COPE: variants seen among roughly 807,000 people sequenced by gnomAD.
COPE encodes coatomer subunit epsilon.
In COPE, 19 loss-of-function variants were observed where a neutral mutation model predicts 42.1. That is an observed-to-expected ratio of 0.45 (90% CI 0.31 to 0.66). COPE has a LOEUF of 0.66. COPE is among the 30% of genes least tolerant of loss of function. The pLI is 0.05. For missense variants in COPE, 402 were observed against 416.1 expected (o/e 0.97, Z 0.30); for synonymous variants, 195 against 181.3 (o/e 1.08, Z -0.60).
chr19:18,908,184 C>T (rs547314380), intron 3 of COPE, among the ~76,000 whole-genome samples: 11 of 152,280 alleles, frequency 7.2e-5, no homozygotes, highest in South Asian at 4.1e-4. Context: ...GTAACCCCAG[C>T]GCTTTGGGAG....
intron 1 of COPE, 88 bp downstream of exon 1, chr19:18,919,135 G>A (rs1457219229): frequency 2.1e-6 from 3 of 1,453,820 alleles, no homozygotes; most frequent in Non-Finnish European, 2.8e-6. Context: ...AAAAGAGAAA[G>A]TTTTTAGACG....
intron 6 of COPE, among the ~76,000 whole-genome samples, chr19:18,904,352 G>C (rs774059005): frequency 6.6e-6 from 1 of 152,256 alleles, no homozygotes; most frequent in East Asian, 1.9e-4. Flanking sequence ...GTTGCCGGGC[G>C]GAGGTGCCCA....
intron 1 of COPE, among the ~76,000 whole-genome samples, chr19:18,918,983 T>C (rs138595053): frequency 0.01 from 1,541 of 152,320 alleles, 19 homozygotes; most frequent in Non-Finnish European, 0.015. Context: ...ACACCTCCCT[T>C]ACTCAAAACA....
chr19:18,908,553 T>A (rs2056781784), intron 3 of COPE, among the ~76,000 whole-genome samples: 1 of 147,960 alleles, frequency 6.8e-6, no homozygotes, highest in African/African-American at 2.5e-5. Flanking sequence ...GTCTCGCACT[T>A]TCGCCCAGGC....
intron 1 of COPE, among the ~76,000 whole-genome samples, chr19:18,914,468 G>A (rs111684818): frequency 2.6e-4 from 40 of 152,068 alleles, no homozygotes; most frequent in African/African-American, 9.4e-4. Flanking sequence ...TTGAACCCGG[G>A]AGATAGAGGC....
Position 18,917,970 on chromosome 19 carries a change from C to A in COPE, c.126+1253G>T, listed in dbSNP as rs188925052. ...CTTTGGTAGGCCAAGGCGGGCAGAT[C>A]ACAAGGTCAAGAGATGGAGACCATC... On this transcript the variant is annotated intron_variant, in intron 1 of 9. Coordinates refer to ENST00000262812, the MANE Select transcript of COPE (RefSeq NM_007263.4). Among the ~76,000 whole-genome samples, 50 of 151,944 alleles carry A rather than the reference C, an allele frequency of 3.3e-4. 1 individual carries two copies. In the South Asian group the frequency reaches 4.4e-3, roughly 13 times the overall value.
chr19:18,910,190 C>A (rs1198173550), intron 3 of COPE, among the ~76,000 whole-genome samples: 1 of 152,204 alleles, frequency 6.6e-6, no homozygotes, highest in South Asian at 2.1e-4. Context: ...GCCCCCTCTC[C>A]CCTTGGCTGC....
intron 3 of COPE, 107 bp from the exon 4 acceptor site, chr19:18,907,219 C>T (rs2056769084): frequency 1.6e-6 from 2 of 1,258,026 alleles, no homozygotes; most frequent in Non-Finnish European, 2.2e-6. Flanking sequence ...GAGCCAGGCC[C>T]TGGGGGTGCA....
chr19:18,912,547 A>C (rs2056819986), intron 2 of COPE, among the ~76,000 whole-genome samples: 3 of 151,014 alleles, frequency 2.0e-5, no homozygotes, highest in Non-Finnish European at 4.4e-5. Context: ...TCATGAAGTC[A>C]GGAGTTCAAG....
intron 1 of COPE, 90 bp downstream of exon 1, chr19:18,919,131 GAA>G: frequency 7.0e-7 from 1 of 1,421,544 alleles, no homozygotes; most frequent in Admixed American, 2.1e-5. Flanking sequence ...GAAGAAAAGA[GAA>G]AGTTTTTAGA....
At chr19:18,918,187 C>CAAAAAAAAAA (rs771893763) in intron 1 of COPE, among the ~76,000 whole-genome samples, 2 of 50,124 alleles carry the variant, frequency 4.0e-5, no homozygotes, top group Non-Finnish European at 7.0e-5. Flanking sequence ...GTCTCCATCT[C>CAAAAAAAAAA]AAAAAAAAAA....
At chr19:18,912,711 C>T (rs1375523230) in intron 2 of COPE, among the ~76,000 whole-genome samples, 2 of 144,658 alleles carry the variant, frequency 1.4e-5, no homozygotes, top group East Asian at 2.0e-4. Flanking sequence ...GAGCTGAGAT[C>T]GAGTACGACA....
chr19:18,905,379 C>A (rs2056748718), intron 5 of COPE, among the ~76,000 whole-genome samples, 197 bp downstream of exon 5: 2 of 152,158 alleles, frequency 1.3e-5, no homozygotes, highest in African/African-American at 4.8e-5. Flanking sequence ...TAGAGAGAAA[C>A]TGAGGCACAG....
In COPE at chr19:18,903,961, C is replaced by T. The variant is rs569198485; in HGVS notation, c.580-538G>A. ...GCTTCAGCCCCGTGGCGGGCAGGGA[C>T]GGGGAGCACATTTTTTTTTCTTTCT... On this transcript the variant is annotated intron_variant, in intron 6 of 9. Coordinates refer to ENST00000262812, the MANE Select transcript of COPE (RefSeq NM_007263.4). Among the ~76,000 whole-genome samples the T allele has an allele frequency of 5.9e-5, 9 of 152,294 alleles. No individual in the cohort carries two copies. In the South Asian group the frequency reaches 1.0e-3, roughly 18 times the overall value.
chr19:18,905,825 G>A (rs1024969918), intron 4 of COPE, 196 bp from the exon 5 acceptor site: 32 of 576,510 alleles, frequency 5.6e-5, no homozygotes, highest in Non-Finnish European at 8.4e-5. Flanking sequence ...GGAGCTCTGG[G>A]GGAGGTACCC....
chr19:18,914,889 C>T (rs367732939), intron 1 of COPE, among the ~76,000 whole-genome samples: 40 of 151,028 alleles, frequency 2.6e-4, no homozygotes, highest in African/African-American at 9.0e-4. Flanking sequence ...CCCGAGTAGC[C>T]GCGACTATAT....
chr19:18,913,260 C>G (rs2056827423), intron 1 of COPE, among the ~76,000 whole-genome samples: 1 of 152,230 alleles, frequency 6.6e-6, no homozygotes, highest in Non-Finnish European at 1.5e-5. Context: ...CGCGCTGACA[C>G]CACCCCAGGA....
In COPE at chr19:18,902,793, G is replaced by A. The variant is rs372006270; in HGVS notation, c.735+475C>T. Among the ~76,000 whole-genome samples, 4 of 33,444 alleles carry A rather than the reference G, an allele frequency of 1.2e-4. 1 individual carries two copies. In the Admixed American group the frequency reaches 1.8e-3, roughly 15 times the overall value. The allele number at this position is 33,444 out of a possible 152,430, so 21.9% of individuals were successfully genotyped here. ...GGAAAGAAGGAAGGAAGGAAGGAAG[G>A]AAGGAAGGAAGGAAGGAAGGAAGGA... On this transcript the variant is annotated intron_variant, in intron 7 of 9. Transcript: ENST00000262812.
chr19:18,919,301 T>C lies in COPE; in HGVS notation c.48A>G (p.Val16=), dbSNP rs377199668. 118 of 1,613,718 alleles carry C rather than the reference T, an allele frequency of 7.3e-5. No homozygotes were observed. Among genetic ancestry groups the C allele is most frequent in the Non-Finnish European group, 8.5e-5 (100 of 1,179,998 alleles). The part of the protein sequence containing the change: ...PGPASGGSGE[V]DELFDVKNAF... ...CGTTCTTTACGTCGAACAGCTCGTC[T>C]ACCTCCCCGGAGCCGCCGGAGGCCG... is the stretch of plus-strand genomic sequence containing the variant. Residue 16 remains valine (V), a synonymous_variant, in exon 1 of 10, where the codon GTA becomes GTG. Coordinates refer to ENST00000262812, the MANE Select transcript of COPE (RefSeq NM_007263.4).
Sources: allele counts gnomAD v4.1 joint callset (sites outside exome capture counted in the v4.1 genomes callset), GRCh38; gene constraint gnomAD v4.1.1; transcripts MANE v1.5; gene names NCBI Gene and HGNC (gene_info 2026-07-23, HGNC 2026-07-21).